Variants in PTAR1 observed in about 807,000 individuals in gnomAD.
PTAR1 encodes the protein protein prenyltransferase alpha subunit repeat containing 1, also known as protein prenyltransferase alpha subunit repeat-containing protein 1.
Under a neutral mutation model 45.5 loss-of-function variants are expected in PTAR1, and 17 were observed. The ratio of observed to expected loss-of-function variants is 0.37; its 90% CI spans 0.26 to 0.56. The LOEUF (loss-of-function observed/expected upper bound fraction) is 0.56, where lower values mean the gene tolerates loss of function less well. Among genes scored for constraint, PTAR1 ranks in the 20% least tolerant of loss-of-function variants. PTAR1 has a pLI of 0.77. For synonymous variants in PTAR1, 169 were observed against 171.3 expected, an observed-to-expected ratio of 0.99 and a Z score of 0.11; for missense variants, 391 against 476.3, an observed-to-expected ratio of 0.82 and a Z score of 1.67.
At chr9:69,733,633 GC>G (rs1825649814) in intron 4 of PTAR1, among the ~76,000 whole-genome samples, 1 of 152,094 alleles carries the variant, frequency 6.6e-6, no homozygotes, top group Admixed American at 6.5e-5. Flanking sequence ...AGCAACTTTA[GC>G]TCAGCCTACA....
chr9:69,751,428 G>C (rs1826529914), intron 1 of PTAR1, among the ~76,000 whole-genome samples: 1 of 151,770 alleles, frequency 6.6e-6, no homozygotes, highest in African/African-American at 2.4e-5. Flanking sequence ...AAGTTGCCAA[G>C]ATATATGAAA....
chr9:69,758,966 G>C (rs1826941187), intron 1 of PTAR1, among the ~76,000 whole-genome samples: 1 of 151,868 alleles, frequency 6.6e-6, no homozygotes, highest in African/African-American at 2.4e-5. Flanking sequence ...GGGAAAGGAG[G>C]TACATTGTTG....
At chr9:69,752,404 T>C (rs1218665413) in intron 1 of PTAR1, among the ~76,000 whole-genome samples, 1 of 152,084 alleles carries the variant, frequency 6.6e-6, no homozygotes, top group Non-Finnish European at 1.5e-5. Flanking sequence ...ATCACTTCAT[T>C]AGTGGCACAG....
chr9:69,741,847 C>T lies in PTAR1; in HGVS notation c.268G>A (p.Val90Ile). The T allele has an allele frequency of 2.5e-6, 4 of 1,591,684 alleles. No homozygotes were observed. Among genetic ancestry groups the T allele is most frequent in the Non-Finnish European group, 3.4e-6 (4 of 1,165,354 alleles). Residue 90 changes from valine (V) to isoleucine (I), a missense_variant, in exon 3 of 8, where the codon GTC (valine) becomes ATC (isoleucine). Physicochemically the swap from Val to Ile is conservative, Grantham distance 29. Around this residue, in one of 5 missense-constraint regions of PTAR1, gnomAD observed 152 missense variants for 160.0 expected, o/e 0.95. Transcript: ENST00000340434. Reference sequence around the variant, plus strand: ...TTTAGAAGCAGCAGGGTACATGTGACATCTATCAATTCTAAAATAAAGAGA... The same window carrying T: ...TTTAGAAGCAGCAGGGTACATGTGATATCTATCAATTCTAAAATAAAGAGA... ...QWLNRDELID[V>I]TCTLLLLNPD...
chr9:69,744,667 T>A (rs193270436), intron 2 of PTAR1, among the ~76,000 whole-genome samples: 1 of 152,338 alleles, frequency 6.6e-6, no homozygotes, highest in African/African-American at 2.4e-5. Context: ...ATTACAGGTG[T>A]GAGCCACTGC....
intron 5 of PTAR1, among the ~76,000 whole-genome samples, chr9:69,724,490 G>T (rs991272258): frequency 3.9e-5 from 6 of 152,174 alleles, no homozygotes; most frequent in Non-Finnish European, 5.9e-5. Context: ...AAGGAAAAAA[G>T]ACATACATTT....
chr9:69,731,883 A>C (rs1825554513), intron 5 of PTAR1: 2 of 497,666 alleles, frequency 4.0e-6, no homozygotes, highest in African/African-American at 1.9e-5. Context: ...AGTTATGCTC[A>C]ATCTTCCTCA....
At position 69,723,641 on chromosome 9, in the gene PTAR1, GA is replaced by G; in HGVS notation, c.643-12del. ...TTCATCAAGAAGAATCTTTTAAGAA[GA>G]AAAAAGGGAAGTAAGAAGAAGAGTT... On this transcript the variant is annotated splice_polypyrimidine_tract_variant and intron_variant, in intron 5 of 7. Transcript: ENST00000340434. 6.4e-7 allele frequency: 1 copy of G among 1,573,520 alleles called. No homozygotes were observed. Among genetic ancestry groups the G allele is most frequent in the Non-Finnish European group, 8.6e-7 (1 of 1,157,860 alleles).
Position 69,718,691 on chromosome 9 carries a change from TAGAG to T in PTAR1, c.948-11_948-8del. 6.5e-7 allele frequency: 1 copy of T among 1,544,890 alleles called. No homozygotes were observed. The highest frequency in any genetic ancestry group is 8.7e-7 in the Non-Finnish European group (1 of 1,144,302). On this transcript the variant is annotated splice_polypyrimidine_tract_variant and splice_region_variant and intron_variant, in intron 6 of 7. Transcript: ENST00000340434. Reference sequence around the variant, plus strand: ...AAGGTAGAAAATATGCCGCCTGCGATAGAGAGGGGAAGGAAGAGAATAAAGAAAA... The same window carrying T: ...AAGGTAGAAAATATGCCGCCTGCGATAGGGGAAGGAAGAGAATAAAGAAAA...
Position 69,714,330 on chromosome 9 carries a change from T to C in PTAR1, c.*4012A>G, listed in dbSNP as rs1024285771. ...ATAATAGTTAGCTTAAAACAGCTTT[T>C]TAGAAAAAAAAAATCATGTTACTTC... On this transcript the variant is annotated 3_prime_UTR_variant, in exon 8 of 8. Transcript: ENST00000340434. 4 of 39,042 alleles carry C rather than the reference T, an allele frequency of 1.0e-4. No individual in the cohort carries two copies. The highest frequency in any genetic ancestry group is 3.8e-4 in the Admixed American group (1 of 2,642). 2.4% of individuals were successfully genotyped at this position (39,042 alleles called of 1,614,324 possible). A position where few individuals can be genotyped will look rare whatever the true frequency, so the allele number is the denominator to read the frequency against.
At chr9:69,734,336 T>A in intron 3 of PTAR1, 82 bp from the exon 4 acceptor site, 1 of 620,558 alleles carries the variant, frequency 1.6e-6, no homozygotes, top group Non-Finnish European at 2.6e-6. Context: ...GCTTTTAATA[T>A]AATCTCATTG....
Position 69,721,691 on chromosome 9 carries a change from TG to T in PTAR1, c.947+1634del, listed in dbSNP as rs546083931. ...CCCCAACCTTCAGCAACCACCACTCTGATCAATCAGCAGCCACCAACACTGA... is the reference window on the plus strand; with the variant it reads ...CCCCAACCTTCAGCAACCACCACTCTATCAATCAGCAGCCACCAACACTGA... On this transcript the variant is annotated intron_variant, in intron 6 of 7. Transcript: ENST00000340434. 8.5e-3 allele frequency among the ~76,000 whole-genome samples: 1,302 copies of T among 152,296 alleles called. 8 individuals carry two copies. The highest frequency in any genetic ancestry group is 0.014 in the Non-Finnish European group (972 of 68,024).
intron 3 of PTAR1, among the ~76,000 whole-genome samples, chr9:69,734,829 T>C (rs2098483411): frequency 6.6e-6 from 1 of 152,242 alleles, no homozygotes. Flanking sequence ...CATTTTAACA[T>C]ATAATTTTAC....
intron 1 of PTAR1, among the ~76,000 whole-genome samples, chr9:69,753,035 A>C (rs1426788484): frequency 6.6e-6 from 1 of 152,152 alleles, no homozygotes; most frequent in Admixed American, 6.6e-5. Flanking sequence ...AGATATAATA[A>C]CCTACTTACA....
intron 1 of PTAR1, chr9:69,758,570 T>A (rs1826905284): frequency 8.7e-6 from 2 of 230,830 alleles, no homozygotes; most frequent in African/African-American, 4.6e-5. Context: ...GGGAAGTGGA[T>A]GCTGTCAGAG....
chr9:69,754,724 T>TATATA (rs1564149668), intron 1 of PTAR1, among the ~76,000 whole-genome samples: 4 of 16,854 alleles, frequency 2.4e-4, no homozygotes, highest in African/African-American at 3.6e-4. Context: ...ATATATATAT[T>TATATA]TTTTTTTTTT....
intron 2 of PTAR1, among the ~76,000 whole-genome samples, chr9:69,743,369 T>G: frequency 6.6e-6 from 1 of 152,166 alleles, no homozygotes; most frequent in Admixed American, 6.5e-5. Flanking sequence ...TATAAACTTT[T>G]TAATATCTAA....
At chr9:69,733,269 T>G (rs1252762006) in intron 4 of PTAR1, among the ~76,000 whole-genome samples, 1 of 152,182 alleles carries the variant, frequency 6.6e-6, no homozygotes, top group Non-Finnish European at 1.5e-5. Context: ...ACTATCTCAA[T>G]TTCTGGTGAT....
At chr9:69,735,238 T>C (rs1397397386) in intron 3 of PTAR1, among the ~76,000 whole-genome samples, 2 of 152,196 alleles carry the variant, frequency 1.3e-5, no homozygotes, top group Non-Finnish European at 2.9e-5. Context: ...CTTGGTATCT[T>C]GTGGGGGCTT....
Sources: gnomAD v4.1 joint callset for allele counts (sites outside exome capture counted in the v4.1 genomes callset) on GRCh38, gnomAD v4.1.1 for gene constraint, gnomAD v4.1.1 regional missense constraint, MANE v1.5 for transcripts, NCBI Gene and HGNC (gene_info 2026-07-23, HGNC 2026-07-21) for gene names.